BAMBI: variants seen among roughly 807,000 people sequenced by gnomAD.
BAMBI encodes the protein BMP and activin membrane bound inhibitor.
Under a neutral mutation model 24.1 loss-of-function variants are expected in BAMBI, and 21 were observed. The ratio of observed to expected loss-of-function variants is 0.87; its 90% CI spans 0.62 to 1.26. BAMBI has a LOEUF of 1.26. Among genes scored for constraint, BAMBI ranks in the 50% most tolerant of loss-of-function variants. The pLI is 0.00. For synonymous variants in BAMBI, 156 were observed against 123.1 expected (o/e 1.27, Z -1.77); for missense variants, 388 against 329.1 (o/e 1.18, Z -1.38).
intron 1 of BAMBI, 146 bp from the exon 2 acceptor site, chr10:28,681,112 G>T (rs2132946139): frequency 3.9e-6 from 3 of 761,414 alleles, no homozygotes; most frequent in Non-Finnish European, 6.2e-6. Context: ...CTGCAGGAAG[G>T]GCTTCTCCAG....
chr10:28,681,817 T>TG lies in BAMBI; in HGVS notation c.365-165dup, dbSNP rs148813597. Reference sequence around the variant, plus strand: ...TCAGTAATGACAGTCTGTAAACAAATGCGTTTGTAAGCTTCTTCAGATAGT... The same window carrying TG: ...TCAGTAATGACAGTCTGTAAACAAATGGCGTTTGTAAGCTTCTTCAGATAGT... On this transcript the variant is annotated intron_variant, in intron 2 of 2. Transcript: ENST00000375533. 1.7e-3 allele frequency: 1,400 copies of TG among 804,300 alleles called. 11 individuals are homozygous for TG. In the African/African-American group the frequency reaches 0.021, roughly 12 times the overall value. The allele number at this position is 804,300 out of a possible 1,614,324, so 49.8% of individuals were successfully genotyped here.
In BAMBI at chr10:28,681,994, A is replaced by C. The variant is rs34535452; in HGVS notation, c.376A>C (p.Arg126=). 5,124 of 1,611,126 alleles carry C rather than the reference A, an allele frequency of 3.2e-3. 142 individuals are homozygous for C. The African/African-American group carries it at 0.06, about 19-fold the overall frequency. Residue 126 remains arginine (R), a synonymous_variant, in exon 3 of 3, where the codon AGG becomes CGG. Coordinates refer to ENST00000375533, the MANE Select transcript of BAMBI (RefSeq NM_012342.3). The part of the protein sequence containing the change: ...PRGEASGQGN[R]YQHDGSRNLI... The stretch of plus-strand genomic sequence containing the variant: ...TTGTACTCCTTTAGGACAAGGAAAC[A>C]GGTATCAGCATGATGGTAGCAGAAA...
Position 28,682,357 on chromosome 10 carries a change from C to A in BAMBI, c.739C>A (p.His247Asn). Residue 247 changes from histidine (H) to asparagine (N), a missense_variant, in exon 3 of 3, where the codon CAC becomes AAC. Physicochemically the swap from His to Asn is moderately conservative, Grantham distance 68. Coordinates refer to ENST00000375533, the MANE Select transcript of BAMBI (RefSeq NM_012342.3). Reference protein sequence around the residue: ...LSNDKILSLVHWGMYSGHGKL... With the variant: ...LSNDKILSLVNWGMYSGHGKL... ...CAACGATAAGATCCTCTCGCTTGTT[C>A]ACTGGGGCATGTACAGTGGGCACGG... is the stretch of plus-strand genomic sequence containing the variant. 1 of 1,614,002 alleles carries A rather than the reference C, an allele frequency of 6.2e-7. No homozygotes were observed. The highest frequency in any genetic ancestry group is 8.5e-7 in the Non-Finnish European group (1 of 1,179,984).
chr10:28,682,509 A>AT lies in BAMBI; in HGVS notation c.*108_*109insT. 2.9e-6 allele frequency: 3 copies of AT among 1,025,402 alleles called. No individual in the cohort carries two copies. The Admixed American group carries it at 7.9e-5, about 27-fold the overall frequency. The allele number at this position is 1,025,402 out of a possible 1,614,324, so 63.5% of individuals were successfully genotyped here. A position where few individuals can be genotyped will look rare whatever the true frequency, so the allele number is the denominator to read the frequency against. ...AAACTCATTTAATCATCTTTGAGAGACAAAATGACCTCTGCAAACAGAATC... is the reference window on the plus strand; with the variant it reads ...AAACTCATTTAATCATCTTTGAGAGATCAAAATGACCTCTGCAAACAGAATC... On this transcript the variant is annotated 3_prime_UTR_variant, in exon 3 of 3. Coordinates refer to ENST00000375533, the MANE Select transcript of BAMBI (RefSeq NM_012342.3).
chr10:28,678,629 G>A (rs182851909), intron 1 of BAMBI, among the ~76,000 whole-genome samples: 8 of 150,162 alleles, frequency 5.3e-5, no homozygotes, highest in Admixed American at 3.4e-4. Context: ...ATCTCTGAAT[G>A]TGCATCTGAG....
chr10:28,678,266 C>T (rs1311018028), intron 1 of BAMBI, among the ~76,000 whole-genome samples: 1 of 152,224 alleles, frequency 6.6e-6, no homozygotes, highest in Non-Finnish European at 1.5e-5. Flanking sequence ...GCCGCCGCTT[C>T]CGCACCCTGG....
intron 1 of BAMBI, among the ~76,000 whole-genome samples, chr10:28,678,820 CAA>C (rs11464273): frequency 1.1e-4 from 15 of 137,824 alleles, no homozygotes; most frequent in East Asian, 2.1e-4. Flanking sequence ...CAAACAGGAC[CAA>C]AAAAAAAAAA....
chr10:28,678,922 C>T (rs914047781), intron 1 of BAMBI, among the ~76,000 whole-genome samples: 58 of 152,014 alleles, frequency 3.8e-4, no homozygotes, highest in Non-Finnish European at 1.6e-4. Flanking sequence ...CAAGGTTCTC[C>T]TCACCTCCCT....
intron 1 of BAMBI, among the ~76,000 whole-genome samples, 153 bp from the exon 2 acceptor site, chr10:28,681,092 TACGCACTGGCTGC>T (rs1834492226): frequency 1.3e-5 from 2 of 152,186 alleles, no homozygotes; most frequent in African/African-American, 4.8e-5. Flanking sequence ...GATTGAAACT[TACGCACTGGCTGC>T]AGGAAGGGCT....
At position 28,682,177 on chromosome 10, in the gene BAMBI, C is replaced by T. The variant is rs1431894193; in HGVS notation, c.559C>T (p.Arg187Trp). 11 of 1,614,016 alleles carry T rather than the reference C, an allele frequency of 6.8e-6. No individual in the cohort carries two copies. Among genetic ancestry groups the T allele is most frequent in the Non-Finnish European group, 9.3e-6 (11 of 1,180,044 alleles). Residue 187 changes from arginine to tryptophan, a missense_variant, in exon 3 of 3, where the codon CGG (arginine) becomes TGG (tryptophan). Physicochemically the swap from Arg to Trp is moderately radical, Grantham distance 101. Coordinates refer to ENST00000375533, the MANE Select transcript of BAMBI (RefSeq NM_012342.3). ...TGAAAATAAGAGGCTGCAGGATCAGCGGCAACAGATGCTCTCCCGTTTGCA... is the reference window on the plus strand; with the variant it reads ...TGAAAATAAGAGGCTGCAGGATCAGTGGCAACAGATGCTCTCCCGTTTGCA... ...RSENKRLQDQ[R>W]QQMLSRLHYS...
In BAMBI at chr10:28,681,510, A is replaced by C; in HGVS notation, c.329A>C (p.His110Pro). The C allele has an allele frequency of 1.2e-6, 2 of 1,614,164 alleles. No homozygotes were observed. The highest frequency in any genetic ancestry group is 1.7e-6 in the Non-Finnish European group (2 of 1,180,026). ...GACATGTGCAATTACAGAGGGCTGC[A>C]CGATGTTCTCTCTCCTCCCAGGGGT... ...HEDMCNYRGL[H>P]DVLSPPRGEA... Residue 110 changes from histidine (H) to proline (P), a missense_variant, in exon 2 of 3, where the codon CAC becomes CCC. Transcript: ENST00000375533.
rs1834512955 is a variant in BAMBI, at chr10:28,682,682, CTAAA to C, written c.*286_*289del. On this transcript the variant is annotated 3_prime_UTR_variant, in exon 3 of 3. Coordinates refer to ENST00000375533, the MANE Select transcript of BAMBI (RefSeq NM_012342.3). Reference sequence around the variant, plus strand: ...ATCCAAGGGAGCTGGAATTGAGTACCTAAATAAACAAAAATGTGCCCTATGTAAG... The same window carrying C: ...ATCCAAGGGAGCTGGAATTGAGTACCTAAACAAAAATGTGCCCTATGTAAG... The C allele has an allele frequency of 3.3e-6, 1 of 304,250 alleles. No individual in the cohort carries two copies. Among genetic ancestry groups the C allele is most frequent in the Non-Finnish European group, 6.1e-6 (1 of 164,730 alleles). The allele number at this position is 304,250 out of a possible 1,614,324, so 18.8% of individuals were successfully genotyped here. A position where few individuals can be genotyped will look rare whatever the true frequency, so the allele number is the denominator to read the frequency against.
chr10:28,681,585 C>G (rs747605636), intron 2 of BAMBI, 40 bp downstream of exon 2: 8 of 1,596,638 alleles, frequency 5.0e-6, no homozygotes, highest in Non-Finnish European at 6.8e-6. Context: ...CCTGCCTGAT[C>G]TATAGACTTG....
chr10:28,681,760 A>T (rs1267075927), intron 2 of BAMBI: 1 of 758,996 alleles, frequency 1.3e-6, no homozygotes, highest in Non-Finnish European at 2.1e-6. Context: ...TGTTTTTTCA[A>T]CATTTTGAAG....
intron 1 of BAMBI, among the ~76,000 whole-genome samples, chr10:28,678,180 G>GTCC (rs1834457878): frequency 6.6e-6 from 1 of 152,202 alleles, no homozygotes; most frequent in Admixed American, 6.5e-5. Context: ...TGATCAGAGG[G>GTCC]TCCTCCTGGC....
At chr10:28,678,947 C>T (rs1419758940) in intron 1 of BAMBI, among the ~76,000 whole-genome samples, 1 of 152,066 alleles carries the variant, frequency 6.6e-6, no homozygotes, top group Non-Finnish European at 1.5e-5. Flanking sequence ...TGAAATCTAC[C>T]TACTGTTCTG....
At chr10:28,681,789 A>G in intron 2 of BAMBI, 194 bp from the exon 3 acceptor site, 2 of 736,344 alleles carry the variant, frequency 2.7e-6, no homozygotes, top group Non-Finnish European at 2.2e-6. Context: ...AGGCCATTAC[A>G]TCTCAGTAAT....
At position 28,677,921 on chromosome 10, in the gene BAMBI, C is replaced by T. The variant is rs956585536; in HGVS notation, c.24C>T (p.Ile8=). 39 of 1,530,224 alleles carry T rather than the reference C, an allele frequency of 2.5e-5. No homozygotes were observed. Among genetic ancestry groups the T allele is most frequent in the Admixed American group, 3.9e-5 (2 of 51,460 alleles). 94.8% of individuals were successfully genotyped at this position (1,530,224 alleles called of 1,614,324 possible). A position where few individuals can be genotyped will look rare whatever the true frequency, so the allele number is the denominator to read the frequency against. The change falls in exon 1 of 3, where the codon ATC becomes ATT. Residue 8 remains isoleucine, a synonymous_variant. Transcript: ENST00000375533. MDRHSSY[I]FIWLQLELCA... ...CAATGGATCGCCACTCCAGCTACATCTTCATCTGGCTGCAGCTGGAGCTCT... is the reference window on the plus strand; with the variant it reads ...CAATGGATCGCCACTCCAGCTACATTTTCATCTGGCTGCAGCTGGAGCTCT...
Position 28,682,784 on chromosome 10 carries a change from T to C in BAMBI, c.*383T>C, listed in dbSNP as rs1435807661. The C allele has an allele frequency of 6.2e-6, 1 of 161,932 alleles. No homozygotes were observed. The highest frequency in any genetic ancestry group is 1.3e-5 in the Non-Finnish European group (1 of 74,172). The allele number at this position is 161,932 out of a possible 1,614,324, so 10.0% of individuals were successfully genotyped here. On this transcript the variant is annotated 3_prime_UTR_variant, in exon 3 of 3. Coordinates refer to ENST00000375533, the MANE Select transcript of BAMBI (RefSeq NM_012342.3). ...TTTGTCTGAAATTTAATAGTGTCTTTCATAAATTTAACTGGGAAACGTGAG... is the reference window on the plus strand; with the variant it reads ...TTTGTCTGAAATTTAATAGTGTCTTCCATAAATTTAACTGGGAAACGTGAG...
Sources: gnomAD v4.1 joint callset for allele counts (sites outside exome capture counted in the v4.1 genomes callset) on GRCh38, gnomAD v4.1.1 for gene constraint, MANE v1.5 for transcripts, NCBI Gene and HGNC (gene_info 2026-07-23, HGNC 2026-07-21) for gene names.